The following ARL15 variants were observed in gnomAD, a reference collection of about 807,000 sequenced individuals.
The protein encoded by ARL15 is ADP-ribosylation factor-like protein 15.
A neutral mutation model predicts 25.2 loss-of-function variants in ARL15; 19 were observed. The ratio of observed to expected loss-of-function variants is 0.75; its 90% CI spans 0.53 to 1.10. The LOEUF (loss-of-function observed/expected upper bound fraction) is 1.10. ARL15 is among the 50% of genes least tolerant of loss of function. ARL15 has a pLI of 0.00. For missense variants in ARL15, 220 were observed against 246.0 expected (o/e 0.89, Z 0.71); for synonymous variants, 94 against 86.8 (o/e 1.08, Z -0.46).
intron 1 of ARL15, among the ~76,000 whole-genome samples, chr5:54,182,739 C>T (rs1755097797): frequency 6.6e-6 from 1 of 152,102 alleles, no homozygotes; most frequent in Non-Finnish European, 1.5e-5. Context: ...TTACCTTGGG[C>T]AGTATGGCTA....
chr5:54,309,907 CCG>C (rs1388296086), intron 1 of ARL15, among the ~76,000 whole-genome samples: 4 of 152,154 alleles, frequency 2.6e-5, no homozygotes, highest in Admixed American at 6.5e-5. Context: ...TAGTTTAGAC[CCG>C]TCTGCTTTAT....
chr5:54,151,040 C>T (rs1257840173), intron 3 of ARL15, among the ~76,000 whole-genome samples: 2 of 152,096 alleles, frequency 1.3e-5, no homozygotes, highest in African/African-American at 4.8e-5. Context: ...CTCCAAATGA[C>T]CACAGTCAAA....
At chr5:54,215,543 G>C (rs1440836929) in intron 1 of ARL15, among the ~76,000 whole-genome samples, 1 of 146,594 alleles carries the variant, frequency 6.8e-6, no homozygotes, top group Non-Finnish European at 1.5e-5. Flanking sequence ...AATTCAATCT[G>C]AGAACTCGAA....
At chr5:53,891,211 T>G in intron 4 of ARL15, among the ~76,000 whole-genome samples, 1 of 152,186 alleles carries the variant, frequency 6.6e-6, no homozygotes, top group Admixed American at 6.5e-5. Context: ...TTGAACTAGT[T>G]TTCCTGTAAG....
chr5:54,265,709 TTC>T (rs1757607285), intron 1 of ARL15, among the ~76,000 whole-genome samples: 1 of 152,216 alleles, frequency 6.6e-6, no homozygotes, highest in African/African-American at 2.4e-5. Flanking sequence ...GACTCAGATT[TTC>T]TGTTTATGTT....
intron 4 of ARL15, among the ~76,000 whole-genome samples, chr5:54,078,731 C>T (rs922025705): frequency 6.6e-6 from 1 of 151,962 alleles, no homozygotes. Context: ...TCTCAACTAC[C>T]AAAAACATCT....
chr5:53,901,840 T>A (rs904661353), intron 4 of ARL15, among the ~76,000 whole-genome samples: 5 of 152,198 alleles, frequency 3.3e-5, no homozygotes, highest in African/African-American at 4.8e-5. Flanking sequence ...ATTCCTCCTT[T>A]GCCTTGCTAA....
In ARL15 at chr5:53,908,118, A is replaced by G. The variant is rs1280752066; in HGVS notation, c.463-21405T>C. 3.3e-5 allele frequency among the ~76,000 whole-genome samples: 5 copies of G among 152,224 alleles called. No individual in the cohort carries two copies. The East Asian group carries it at 7.7e-4, about 23-fold the overall frequency. On this transcript the variant is annotated intron_variant, in intron 4 of 4. Coordinates refer to ENST00000504924, the MANE Select transcript of ARL15 (RefSeq NM_019087.3). ...CATATAAAAAGATATTTTGAAAAAC[A>G]GAAAGAGAGACCACATTTGTTTTCA...
chr5:53,980,651 G>T (rs1748089560), intron 4 of ARL15, among the ~76,000 whole-genome samples: 1 of 152,150 alleles, frequency 6.6e-6, no homozygotes, highest in Non-Finnish European at 1.5e-5. Context: ...AAGAACTGAG[G>T]ACTGTGAGTT....
chr5:53,945,444 G>C (rs757339782), intron 4 of ARL15, among the ~76,000 whole-genome samples: 71 of 152,228 alleles, frequency 4.7e-4, no homozygotes, highest in Non-Finnish European at 8.4e-4. Context: ...TTAGGTCAAG[G>C]GTGAAGGTTT....
chr5:54,248,414 C>A (rs1757150749), intron 1 of ARL15, among the ~76,000 whole-genome samples: 1 of 152,180 alleles, frequency 6.6e-6, no homozygotes, highest in Non-Finnish European at 1.5e-5. Context: ...ACTTACTAAC[C>A]AAGGTTGCTC....
intron 1 of ARL15, among the ~76,000 whole-genome samples, chr5:54,290,304 CTTT>C (rs34445601): frequency 5.0e-5 from 7 of 139,982 alleles, no homozygotes; most frequent in Non-Finnish European, 3.1e-5. Flanking sequence ...ATCACTCAAC[CTTT>C]TTTTTTTTTT....
intron 1 of ARL15, among the ~76,000 whole-genome samples, chr5:54,286,556 T>C (rs1418827744): frequency 6.6e-6 from 1 of 152,162 alleles, no homozygotes; most frequent in Admixed American, 6.5e-5. Flanking sequence ...AATAACCAAA[T>C]GAAAGCATAA....
chr5:54,090,408 T>C (rs1325341141), intron 4 of ARL15, among the ~76,000 whole-genome samples: 1 of 150,490 alleles, frequency 6.6e-6, no homozygotes, highest in African/African-American at 2.4e-5. Flanking sequence ...TATATATGGG[T>C]GGCAGAAGTA....
chr5:53,908,539 T>C (rs1745347941), intron 4 of ARL15, among the ~76,000 whole-genome samples: 1 of 152,204 alleles, frequency 6.6e-6, no homozygotes, highest in Admixed American at 6.5e-5. Flanking sequence ...GATTTTGTTA[T>C]TTCAGAAAGG....
chr5:53,900,648 G>T (rs1446890231), intron 4 of ARL15, among the ~76,000 whole-genome samples: 1 of 151,996 alleles, frequency 6.6e-6, no homozygotes, highest in Non-Finnish European at 1.5e-5. Context: ...GAGCTACAAT[G>T]AAAAAGACAA....
intron 1 of ARL15, among the ~76,000 whole-genome samples, chr5:54,254,544 T>C (rs907499118): frequency 1.3e-5 from 2 of 152,186 alleles, no homozygotes; most frequent in African/African-American, 4.8e-5. Context: ...CAGGAGTAAA[T>C]GCATAGTTTC....
intron 3 of ARL15, among the ~76,000 whole-genome samples, chr5:54,139,568 A>T (rs1433829837): frequency 6.6e-6 from 1 of 152,196 alleles, no homozygotes; most frequent in African/African-American, 2.4e-5. Flanking sequence ...GTTACAATGT[A>T]CACTACTTGG....
chr5:54,282,557 G>T, intron 1 of ARL15: 2 of 985,194 alleles, frequency 2.0e-6, no homozygotes, highest in Non-Finnish European at 2.4e-6. Context: ...CAGATACTTT[G>T]TCCTCTAATA....
Sources: allele counts gnomAD v4.1 joint callset (sites outside exome capture counted in the v4.1 genomes callset), GRCh38; gene constraint gnomAD v4.1.1; transcripts MANE v1.5; gene names NCBI Gene and HGNC (gene_info 2026-07-23, HGNC 2026-07-21).